Variants in CSMD1 observed in about 807,000 individuals in gnomAD.
CSMD1 encodes the protein CUB and Sushi multiple domains 1.
In CSMD1, 213 loss-of-function variants were observed where a neutral mutation model predicts 417.5. The ratio of observed to expected loss-of-function variants is 0.51; its 90% CI spans 0.46 to 0.57. The LOEUF (loss-of-function observed/expected upper bound fraction) is 0.57. CSMD1 is among the 20% of genes least tolerant of loss of function. The pLI is 0.00. For missense variants in CSMD1, 6,923 were observed against 4,529.7 expected, an observed-to-expected ratio of 1.53 and a Z score of -15.17; for synonymous variants, 2,862 against 1,736.8, an observed-to-expected ratio of 1.65 and a Z score of -16.11.
chr8:3,733,711 A>T (rs957167138), intron 6 of CSMD1, among the ~76,000 whole-genome samples: 5 of 152,194 alleles, frequency 3.3e-5, no homozygotes, highest in Non-Finnish European at 4.4e-5. Context: ...CAGGGACTGG[A>T]TGGACGCCCA....
intron 3 of CSMD1, among the ~76,000 whole-genome samples, chr8:4,186,938 G>T (rs1336388320): frequency 1.3e-5 from 2 of 152,050 alleles, no homozygotes; most frequent in African/African-American, 2.4e-5. Flanking sequence ...AGAGATTGCA[G>T]TGAGCTGCAC....
Position 3,715,475 on chromosome 8 carries a change from C to G in CSMD1, c.932-6984G>C, listed in dbSNP as rs750055605. 4.3e-4 allele frequency among the ~76,000 whole-genome samples: 66 copies of G among 152,054 alleles called. 1 individual carries two copies. Among genetic ancestry groups the G allele is most frequent in the Admixed American group, 2.0e-4 (3 of 15,260 alleles). ...ATTTTTTCTTTTCTGCATGATTAAC[C>G]CAATTATAAAAATGTGTTGTTCCAT... On this transcript the variant is annotated intron_variant, in intron 6 of 69. Transcript: ENST00000635120.
At chr8:4,226,351 T>A (rs1372028559) in intron 3 of CSMD1, among the ~76,000 whole-genome samples, 1 of 152,228 alleles carries the variant, frequency 6.6e-6, no homozygotes, top group East Asian at 1.9e-4. Context: ...AAAATGTATT[T>A]ATCTGACATA....
At chr8:4,356,807 C>G (rs568144388) in intron 3 of CSMD1, among the ~76,000 whole-genome samples, 16 of 152,316 alleles carry the variant, frequency 1.1e-4, no homozygotes, top group Admixed American at 2.0e-4. Context: ...CAGCCCCTGA[C>G]CGACTTGACA....
chr8:3,303,537 A>C (rs1307151650), intron 25 of CSMD1, among the ~76,000 whole-genome samples: 1 of 152,194 alleles, frequency 6.6e-6, no homozygotes, highest in Non-Finnish European at 1.5e-5. Flanking sequence ...AATTCCCTTC[A>C]ACTATACTAC....
At chr8:2,984,898 T>G (rs1309233560) in intron 54 of CSMD1, among the ~76,000 whole-genome samples, 1 of 152,242 alleles carries the variant, frequency 6.6e-6, no homozygotes, top group Non-Finnish European at 1.5e-5. Context: ...CACGTTTGAC[T>G]ACACATCACC....
intron 2 of CSMD1, among the ~76,000 whole-genome samples, chr8:4,566,717 C>T (rs1003337110): frequency 8.2e-5 from 11 of 134,194 alleles, no homozygotes; most frequent in Non-Finnish European, 1.3e-4. Context: ...TACATATATA[C>T]AAACAGTTTC....
intron 65 of CSMD1, among the ~76,000 whole-genome samples, chr8:2,953,254 T>A (rs1802757827): frequency 6.6e-6 from 1 of 152,164 alleles, no homozygotes; most frequent in Non-Finnish European, 1.5e-5. Context: ...TTAAAAAGCA[T>A]TTTATATTCT....
At chr8:4,580,990 AGTGCCT>A (rs1563305991) in intron 2 of CSMD1, among the ~76,000 whole-genome samples, 1 of 152,216 alleles carries the variant, frequency 6.6e-6, no homozygotes, top group Admixed American at 6.5e-5. Context: ...TCCTTATTCC[AGTGCCT>A]CACATGTAAC....
At chr8:3,616,619 A>G (rs1802151571) in intron 8 of CSMD1, 91 bp downstream of exon 8, 3 of 812,484 alleles carry the variant, frequency 3.7e-6, no homozygotes, top group East Asian at 2.7e-5. Flanking sequence ...CTTTACCTCA[A>G]AAGAACAAAA....
chr8:3,881,673 CA>C lies in CSMD1; in HGVS notation c.818+116229del, dbSNP rs769463785. The stretch of plus-strand genomic sequence containing the variant: ...AAAAACCAACAACAACAAAAGAAAA[CA>C]AAAAAAAACAATTTGGAAAAAAAGA... On this transcript the variant is annotated intron_variant, in intron 5 of 69. Transcript: ENST00000635120. 1.6e-3 allele frequency among the ~76,000 whole-genome samples: 222 copies of C among 140,880 alleles called. 1 individual carries two copies. The highest frequency in any genetic ancestry group is 4.9e-3 in the African/African-American group (190 of 38,668). The allele number at this position is 140,880 out of a possible 152,430, so 92.4% of individuals were successfully genotyped here.
intron 2 of CSMD1, among the ~76,000 whole-genome samples, chr8:4,440,367 A>T (rs982073986): frequency 6.6e-6 from 1 of 152,220 alleles, no homozygotes; most frequent in African/African-American, 2.4e-5. Flanking sequence ...TTATGCAATT[A>T]TACAATGAAT....
chr8:3,800,818 G>C lies in CSMD1; in HGVS notation c.819-46776C>G, dbSNP rs79223292. On this transcript the variant is annotated intron_variant, in intron 5 of 69. Coordinates refer to ENST00000635120, the MANE Select transcript of CSMD1 (RefSeq NM_033225.6). ...TTTTGTACGTGCCCACTTCCCCTTT[G>C]ACCTTCTTCATCATGTTTTGACACA... Among the ~76,000 whole-genome samples, 103 of 152,054 alleles carry C rather than the reference G, an allele frequency of 6.8e-4. No individual in the cohort carries two copies. In the East Asian group the frequency reaches 0.012, roughly 17 times the overall value.
intron 10 of CSMD1, among the ~76,000 whole-genome samples, chr8:3,523,525 G>A (rs1047342681): frequency 2.0e-5 from 3 of 151,794 alleles, no homozygotes; most frequent in Non-Finnish European, 2.9e-5. Context: ...GTGAAAATAT[G>A]CACACACACA....
At chr8:4,404,265 G>A (rs953093513) in intron 3 of CSMD1, among the ~76,000 whole-genome samples, 8 of 152,014 alleles carry the variant, frequency 5.3e-5, no homozygotes, top group African/African-American at 1.9e-4. Context: ...ATATATTTAT[G>A]TCATCTATCA....
At chr8:4,630,667 C>T (rs897694993) in intron 2 of CSMD1, among the ~76,000 whole-genome samples, 4 of 152,128 alleles carry the variant, frequency 2.6e-5, no homozygotes, top group Non-Finnish European at 5.9e-5. Context: ...ATTATGGGAA[C>T]ATTATAGGTT....
At chr8:3,103,375 C>A (rs937055113) in intron 46 of CSMD1, among the ~76,000 whole-genome samples, 1 of 152,130 alleles carries the variant, frequency 6.6e-6, no homozygotes, top group East Asian at 1.9e-4. Flanking sequence ...GATGGTACAG[C>A]CTGCTACACA....
At chr8:3,957,111 C>T (rs986685280) in intron 5 of CSMD1, among the ~76,000 whole-genome samples, 1 of 139,608 alleles carries the variant, frequency 7.2e-6, no homozygotes, top group African/African-American at 2.5e-5. Flanking sequence ...TATTTCCTCA[C>T]GTTCCTGCTC....
intron 1 of CSMD1, among the ~76,000 whole-genome samples, chr8:4,762,080 A>G (rs1286254895): frequency 2.0e-5 from 3 of 152,142 alleles, no homozygotes. Context: ...ATGTAAGTAT[A>G]GTAGCTGGTG....
Sources: allele counts gnomAD v4.1 joint callset (sites outside exome capture counted in the v4.1 genomes callset), GRCh38; gene constraint gnomAD v4.1.1; transcripts MANE v1.5; gene names NCBI Gene and HGNC (gene_info 2026-07-23, HGNC 2026-07-21).